CPQ: variants seen among roughly 807,000 people sequenced by gnomAD.
CPQ encodes the protein Ser-Met dipeptidase.
CPQ carries 37 observed loss-of-function variants against 45.7 expected under a neutral mutation model. The observed-to-expected ratio is 0.81, with a 90% CI of 0.62 to 1.07. The LOEUF (loss-of-function observed/expected upper bound fraction) is 1.07, where lower values mean the gene tolerates loss of function less well. CPQ is among the 50% of genes least tolerant of loss of function. The pLI is 0.00. For synonymous variants in CPQ, 186 were observed against 205.8 expected, an observed-to-expected ratio of 0.90 and a Z score of 0.82; for missense variants, 537 against 572.9, an observed-to-expected ratio of 0.94 and a Z score of 0.64.
chr8:97,081,596 C>T (rs925313570), intron 7 of CPQ, among the ~76,000 whole-genome samples: 1 of 152,184 alleles, frequency 6.6e-6, no homozygotes, highest in Admixed American at 6.5e-5. Context: ...AGAACCTCTT[C>T]ATCTCCCTGG....
intron 5 of CPQ, among the ~76,000 whole-genome samples, chr8:96,968,720 A>G (rs1813613027): frequency 6.6e-6 from 1 of 152,276 alleles, no homozygotes; most frequent in East Asian, 1.9e-4. Flanking sequence ...TGATATTTGG[A>G]AATATTTTTC....
chr8:96,691,525 G>GTT (rs147338764), intron 1 of CPQ, among the ~76,000 whole-genome samples: 7,586 of 152,222 alleles, frequency 0.05, 251 homozygotes, highest in Middle Eastern at 0.12. Flanking sequence ...ACATTTAACA[G>GTT]TTATATATAT....
rs562638465 is a variant in CPQ at position 97,066,478 on chromosome 8, C to G, written c.1255+268C>G. Among the ~76,000 whole-genome samples, 6 of 152,226 alleles carry G rather than the reference C, an allele frequency of 3.9e-5. No homozygotes were observed. The South Asian group carries it at 1.2e-3, about 32-fold the overall frequency. ...TGATTTAGTCATTCTGGAATTGGGC[C>G]TAAAAATCCATTGTTTTGTTTTGTT... On this transcript the variant is annotated intron_variant, in intron 7 of 7. Transcript: ENST00000220763.
intron 1 of CPQ, among the ~76,000 whole-genome samples, chr8:96,718,364 T>A (rs1003857011): frequency 2.0e-5 from 3 of 152,154 alleles, no homozygotes; most frequent in Non-Finnish European, 2.9e-5. Flanking sequence ...GTTTCTTCCT[T>A]CTGGTGGGTT....
chr8:97,097,416 A>C (rs533696956), intron 7 of CPQ, among the ~76,000 whole-genome samples: 2 of 152,236 alleles, frequency 1.3e-5, no homozygotes, highest in East Asian at 1.9e-4. Flanking sequence ...AATAAATTAC[A>C]TTTGTTATTT....
chr8:96,672,138 T>A (rs1174517725), intron 1 of CPQ, among the ~76,000 whole-genome samples: 1 of 152,180 alleles, frequency 6.6e-6, no homozygotes, highest in African/African-American at 2.4e-5. Flanking sequence ...CTTCATGGGC[T>A]TCTTAAACTG....
chr8:96,962,726 T>G (rs564806862), intron 4 of CPQ, among the ~76,000 whole-genome samples: 1 of 152,338 alleles, frequency 6.6e-6, no homozygotes, highest in African/African-American at 2.4e-5. Flanking sequence ...CATTCCATTT[T>G]GAGTGAAACC....
chr8:97,022,103 C>T (rs970688120), intron 5 of CPQ, among the ~76,000 whole-genome samples: 11 of 152,198 alleles, frequency 7.2e-5, no homozygotes, highest in African/African-American at 2.4e-4. Context: ...AACTGATCTT[C>T]AACAAAGCCA....
intron 1 of CPQ, among the ~76,000 whole-genome samples, chr8:96,737,355 G>GATATATATATATCTAT: frequency 8.5e-6 from 1 of 118,012 alleles, no homozygotes; most frequent in Non-Finnish European, 1.7e-5. Context: ...ACTAATAGGA[G>GATATATATATATCTAT]ATATATATAT....
At chr8:96,843,020 C>A (rs1444114240) in intron 3 of CPQ, among the ~76,000 whole-genome samples, 2 of 152,264 alleles carry the variant, frequency 1.3e-5, no homozygotes, top group Non-Finnish European at 2.9e-5. Flanking sequence ...ATTCTCCGGT[C>A]TCAGCCTCCT....
intron 3 of CPQ, among the ~76,000 whole-genome samples, chr8:96,868,211 A>C (rs750955108): frequency 1.3e-5 from 2 of 152,082 alleles, no homozygotes; most frequent in African/African-American, 2.4e-5. Flanking sequence ...ATGTGAGAAG[A>C]AAATGAAACT....
At chr8:97,141,940 A>G (rs941755851) in intron 7 of CPQ, among the ~76,000 whole-genome samples, 5 of 152,200 alleles carry the variant, frequency 3.3e-5, no homozygotes, top group African/African-American at 1.2e-4. Context: ...ATATAGTCAT[A>G]TACATATATG....
chr8:97,056,114 A>T (rs1810452458), intron 6 of CPQ, among the ~76,000 whole-genome samples: 1 of 151,968 alleles, frequency 6.6e-6, no homozygotes, highest in Admixed American at 6.6e-5. Context: ...ACACACACAC[A>T]CACACACACA....
chr8:97,112,989 T>C (rs542073210), intron 7 of CPQ, among the ~76,000 whole-genome samples: 11 of 152,238 alleles, frequency 7.2e-5, no homozygotes, highest in African/African-American at 2.2e-4. Flanking sequence ...GCCTGGACCA[T>C]TGGGGTCACA....
chr8:96,662,602 A>G (rs1487752761), intron 1 of CPQ, among the ~76,000 whole-genome samples: 1 of 152,226 alleles, frequency 6.6e-6, no homozygotes, highest in Non-Finnish European at 1.5e-5. Flanking sequence ...AATAACAGAA[A>G]CAATTCTCAA....
chr8:96,956,643 A>G (rs894192859), intron 4 of CPQ, among the ~76,000 whole-genome samples: 3 of 152,186 alleles, frequency 2.0e-5, no homozygotes, highest in African/African-American at 7.2e-5. Context: ...ACTAGTTAAC[A>G]TGTCTAGTCT....
intron 4 of CPQ, among the ~76,000 whole-genome samples, chr8:96,924,912 TG>T (rs1812853470): frequency 6.6e-6 from 1 of 152,226 alleles, no homozygotes; most frequent in African/African-American, 2.4e-5. Context: ...TTAACTTTTT[TG>T]TTCTGTTTTG....
At position 96,747,692 on chromosome 8, in the gene CPQ, T is replaced by C. The variant is rs543273400; in HGVS notation, c.-34-37172T>C. Among the ~76,000 whole-genome samples the C allele has an allele frequency of 2.6e-5, 4 of 152,312 alleles. No homozygotes were observed. The East Asian group carries it at 5.8e-4, about 22-fold the overall frequency. On this transcript the variant is annotated intron_variant, in intron 1 of 7. Coordinates refer to ENST00000220763, the MANE Select transcript of CPQ (RefSeq NM_016134.4). The stretch of plus-strand genomic sequence containing the variant: ...CTTTCCTGGCCTCAGCTCTCTCTTA[T>C]GGCAAGTGAGGGGTTTGCAATGAGG...
At chr8:96,757,743 CTT>C (rs1810346229) in intron 1 of CPQ, among the ~76,000 whole-genome samples, 1 of 151,990 alleles carries the variant, frequency 6.6e-6, no homozygotes, top group South Asian at 2.1e-4. Context: ...TGAGAAAACT[CTT>C]TTTAGAAGTT....
Sources: gnomAD v4.1 joint callset for allele counts (sites outside exome capture counted in the v4.1 genomes callset) on GRCh38, gnomAD v4.1.1 for gene constraint, MANE v1.5 for transcripts, NCBI Gene and HGNC (gene_info 2026-07-23, HGNC 2026-07-21) for gene names.